Variants in NCOA1 observed in about 807,000 individuals in gnomAD.
The protein encoded by NCOA1 is nuclear receptor coactivator 1, also known as Hin-2 protein.
In NCOA1, 35 loss-of-function variants were observed where a neutral mutation model predicts 150.9. That is an observed-to-expected ratio of 0.23 (90% confidence interval 0.18 to 0.31). NCOA1 has a LOEUF of 0.31. Among genes scored for constraint, NCOA1 ranks in the 10% least tolerant of loss-of-function variants. The pLI is 1.00. For missense variants in NCOA1, 1,491 were observed against 1,749.3 expected, an observed-to-expected ratio of 0.85 and a Z score of 2.63; for synonymous variants, 590 against 630.0, an observed-to-expected ratio of 0.94 and a Z score of 0.95.
At chr2:24,585,513 A>G (rs935854592) in intron 3 of NCOA1, among the ~76,000 whole-genome samples, 10 of 152,024 alleles carry the variant, frequency 6.6e-5, no homozygotes, top group African/African-American at 2.4e-5. Context: ...TTTTTAACAT[A>G]ATGGCAATCT....
chr2:24,585,539 G>C (rs1055559728), intron 3 of NCOA1, among the ~76,000 whole-genome samples: 2 of 151,818 alleles, frequency 1.3e-5, no homozygotes, highest in African/African-American at 2.4e-5. Flanking sequence ...ATTAAAAAAG[G>C]AATGCCACTT....
chr2:24,741,113 T>C (rs1663578195), intron 18 of NCOA1, among the ~76,000 whole-genome samples: 1 of 152,192 alleles, frequency 6.6e-6, no homozygotes, highest in Non-Finnish European at 1.5e-5. Flanking sequence ...TCTTAGGCAT[T>C]GGATCCTAGA....
At chr2:24,672,681 G>A (rs886924496) in intron 6 of NCOA1, among the ~76,000 whole-genome samples, 1 of 152,120 alleles carries the variant, frequency 6.6e-6, no homozygotes, top group Non-Finnish European at 1.5e-5. Context: ...ACAGGCTTGG[G>A]GCACTGCACC....
intron 1 of NCOA1, among the ~76,000 whole-genome samples, chr2:24,557,205 T>C (rs1195700215): frequency 1.3e-5 from 2 of 151,978 alleles, no homozygotes; most frequent in Non-Finnish European, 2.9e-5. Context: ...TGAGAACTGC[T>C]ACTCTAGAGT....
At chr2:24,741,665 A>G in intron 18 of NCOA1, 119 bp from the exon 19 acceptor site, 2 of 1,108,510 alleles carry the variant, frequency 1.8e-6, no homozygotes, top group Middle Eastern at 2.2e-4. Flanking sequence ...TTTCCCTTGT[A>G]CAGTGATAAT....
chr2:24,684,674 A>G (rs1361752179), intron 8 of NCOA1, among the ~76,000 whole-genome samples: 1 of 152,242 alleles, frequency 6.6e-6, no homozygotes, highest in Non-Finnish European at 1.5e-5. Flanking sequence ...CATTCCCCCA[A>G]TAATGGAAGA....
chr2:24,618,929 G>A (rs1668996346), intron 3 of NCOA1, among the ~76,000 whole-genome samples: 1 of 152,132 alleles, frequency 6.6e-6, no homozygotes, highest in Non-Finnish European at 1.5e-5. Flanking sequence ...TTTGTAATAT[G>A]TTCCAGATGG....
intron 3 of NCOA1, among the ~76,000 whole-genome samples, chr2:24,586,275 CAAAAAA>C (rs34590281): frequency 3.0e-5 from 2 of 66,168 alleles, no homozygotes; most frequent in African/African-American, 6.8e-5. Flanking sequence ...GACTCGGTCT[CAAAAAA>C]AAAAAAAAAA....
intron 3 of NCOA1, among the ~76,000 whole-genome samples, chr2:24,590,432 CTT>C (rs1439506255): frequency 6.6e-6 from 1 of 152,032 alleles, no homozygotes; most frequent in Non-Finnish European, 1.5e-5. Context: ...AAGCTTATAA[CTT>C]TGATATTTTT....
intron 3 of NCOA1, among the ~76,000 whole-genome samples, chr2:24,612,164 G>T (rs1036049961): frequency 6.6e-6 from 1 of 151,998 alleles, no homozygotes; most frequent in Non-Finnish European, 1.5e-5. Flanking sequence ...TTTCTTCTTT[G>T]CTTATGAAGC....
chr2:24,652,312 G>C (rs546055785), intron 4 of NCOA1, among the ~76,000 whole-genome samples: 1 of 151,944 alleles, frequency 6.6e-6, no homozygotes, highest in Admixed American at 6.6e-5. Context: ...AGACCCTTAC[G>C]TGTCTTAGGA....
At chr2:24,496,248 A>G (rs13402118) in intron 1 of NCOA1, among the ~76,000 whole-genome samples, 7,204 of 152,302 alleles carry the variant, frequency 0.047, 296 homozygotes, top group African/African-American at 0.11. Context: ...TATTGTTTTC[A>G]GAGGAGATTT....
At chr2:24,722,306 A>G (rs1674393153) in intron 14 of NCOA1, among the ~76,000 whole-genome samples, 3 of 152,186 alleles carry the variant, frequency 2.0e-5, no homozygotes, top group South Asian at 2.1e-4. Flanking sequence ...TGCTTTTTCA[A>G]TGGAGATAGC....
chr2:24,665,940 G>C (rs371331744), intron 6 of NCOA1, 25 bp downstream of exon 6: 106 of 1,363,134 alleles, frequency 7.8e-5, no homozygotes, highest in South Asian at 3.2e-4. Context: ...GAAAACCCAT[G>C]GCTGTGTGCT....
chr2:24,511,932 C>G (rs1490518985), intron 1 of NCOA1, among the ~76,000 whole-genome samples: 1 of 152,006 alleles, frequency 6.6e-6, no homozygotes, highest in South Asian at 2.1e-4. Flanking sequence ...GACAAAAGCT[C>G]ATTATATTCC....
At chr2:24,667,385 GC>G (rs1371890427) in intron 6 of NCOA1, among the ~76,000 whole-genome samples, 2 of 152,020 alleles carry the variant, frequency 1.3e-5, no homozygotes, top group African/African-American at 4.8e-5. Flanking sequence ...TCCTTATCTT[GC>G]CCCCACTCCT....
At chr2:24,759,488 A>T (rs1664667864) in intron 21 of NCOA1, among the ~76,000 whole-genome samples, 1 of 152,146 alleles carries the variant, frequency 6.6e-6, no homozygotes, top group African/African-American at 2.4e-5. Flanking sequence ...AAGTGTGTGG[A>T]ATTTATCCTG....
chr2:24,752,156 A>G lies in NCOA1; in HGVS notation c.3881A>G (p.Asn1294Ser), dbSNP rs1664283020. Residue 1294 changes from asparagine to serine, a missense_variant and splice_region_variant, in exon 20 of 23, where the codon AAT (asparagine) becomes AGT (serine). Asn to Ser is a conservative substitution (Grantham distance 46). Transcript: ENST00000348332. ...AWQQGAIGNN[N>S]VFSQAVQNQP... Reference sequence around the variant, plus strand: ...CAGCAAGGAGCGATAGGAAACAACAAGTAAGGGGGCAGTTTTTATATATGA... The same window carrying G: ...CAGCAAGGAGCGATAGGAAACAACAGGTAAGGGGGCAGTTTTTATATATGA... 2 of 1,613,588 alleles carry G rather than the reference A, an allele frequency of 1.2e-6. No individual in the cohort carries two copies. Among genetic ancestry groups the G allele is most frequent in the Admixed American group, 1.7e-5 (1 of 59,954 alleles).
chr2:24,613,118 C>G (rs1399616387), intron 3 of NCOA1, among the ~76,000 whole-genome samples: 2 of 151,884 alleles, frequency 1.3e-5, no homozygotes, highest in African/African-American at 4.8e-5. Flanking sequence ...CCCCAACTCC[C>G]TAGGGGATAT....
Sources: allele counts gnomAD v4.1 joint callset (sites outside exome capture counted in the v4.1 genomes callset), GRCh38; gene constraint gnomAD v4.1.1; transcripts MANE v1.5; gene names NCBI Gene and HGNC (gene_info 2026-07-23, HGNC 2026-07-21).